The following ZHX3 variants were observed in gnomAD, a reference collection of about 807,000 sequenced individuals.
The protein encoded by ZHX3 is zinc fingers and homeoboxes 3.
A neutral mutation model predicts 64.5 loss-of-function variants in ZHX3; 20 were observed. The observed-to-expected ratio is 0.31, with a 90% CI of 0.22 to 0.45. ZHX3 has a LOEUF of 0.45. Ranked by LOEUF, ZHX3 falls within the 20% of genes least tolerant of loss-of-function variation. The probability of loss-of-function intolerance (pLI) is 1.00; values close to 1 mark genes in which losing one functional copy is unlikely to be tolerated. For synonymous variants in ZHX3, 423 were observed against 461.6 expected (o/e 0.92, Z 1.07); for missense variants, 1,041 against 1,195.8 (o/e 0.87, Z 1.91).
At chr20:41,230,046 T>TA (rs1359614626) in intron 2 of ZHX3, among the ~76,000 whole-genome samples, 2 of 152,230 alleles carry the variant, frequency 1.3e-5, no homozygotes, top group Non-Finnish European at 2.9e-5. Flanking sequence ...GGCATCCTTG[T>TA]AAAAAATCAT....
chr20:41,267,137 G>A (rs909574223), intron 2 of ZHX3, among the ~76,000 whole-genome samples: 4 of 152,062 alleles, frequency 2.6e-5, no homozygotes, highest in Non-Finnish European at 1.5e-5. Flanking sequence ...GTGAGCCACC[G>A]GCACCTGGCC....
intron 2 of ZHX3, among the ~76,000 whole-genome samples, chr20:41,257,468 T>C (rs1183931923): frequency 6.6e-6 from 1 of 152,170 alleles, no homozygotes; most frequent in East Asian, 1.9e-4. Context: ...TTTACCCACT[T>C]ATAGAAGGGG....
intron 1 of ZHX3, among the ~76,000 whole-genome samples, chr20:41,279,043 C>T (rs1195626109): frequency 6.6e-6 from 1 of 152,190 alleles, no homozygotes; most frequent in Non-Finnish European, 1.5e-5. Flanking sequence ...TCTCAAAGTT[C>T]TGGGATTCCA....
intron 1 of ZHX3, among the ~76,000 whole-genome samples, chr20:41,280,133 G>C (rs1203460525): frequency 6.6e-6 from 1 of 152,092 alleles, no homozygotes; most frequent in Non-Finnish European, 1.5e-5. Flanking sequence ...ATCCCTGGAC[G>C]TATATCCCTG....
chr20:41,240,212 G>A (rs944416671), intron 2 of ZHX3, among the ~76,000 whole-genome samples: 1 of 152,134 alleles, frequency 6.6e-6, no homozygotes, highest in Non-Finnish European at 1.5e-5. Context: ...TGTTGGCCAG[G>A]CTGGTCAACA....
At chr20:41,237,729 T>G (rs2041105939) in intron 2 of ZHX3, among the ~76,000 whole-genome samples, 1 of 152,280 alleles carries the variant, frequency 6.6e-6, no homozygotes, top group Non-Finnish European at 1.5e-5. Context: ...CTGCACGTTG[T>G]GCACATGTAC....
intron 2 of ZHX3, among the ~76,000 whole-genome samples, chr20:41,263,587 C>T (rs921878323): frequency 5.9e-5 from 9 of 151,808 alleles, no homozygotes; most frequent in Non-Finnish European, 1.3e-4. Flanking sequence ...TTACTAGAGA[C>T]GGGGTTTCAC....
At chr20:41,268,188 G>A (rs976274892) in intron 2 of ZHX3, among the ~76,000 whole-genome samples, 1 of 152,114 alleles carries the variant, frequency 6.6e-6, no homozygotes, top group Non-Finnish European at 1.5e-5. Flanking sequence ...AGAACTTCCA[G>A]CATCACACAT....
chr20:41,232,211 TA>T lies in ZHX3; in HGVS notation c.-150-27146del, dbSNP rs1453926391. 6.6e-6 allele frequency among the ~76,000 whole-genome samples: 1 copy of T among 152,098 alleles called. No homozygotes were observed. The highest frequency in any genetic ancestry group is 2.4e-5 in the African/African-American group (1 of 41,394). On this transcript the variant is annotated intron_variant, in intron 2 of 3. Transcript: ENST00000683867. The surrounding 1 kb of genome is among the most constrained non-coding windows in gnomAD (Gnocchi z 5.0). ...CTTAATAACCATCTTCAATCATTGTTATTACACAGAGAATGATGACCAGATG... is the reference window on the plus strand; with the variant it reads ...CTTAATAACCATCTTCAATCATTGTTTTACACAGAGAATGATGACCAGATG...
rs112550033 is a variant in ZHX3, at chr20:41,201,982, A to G, written c.2860+75T>C. On this transcript the variant is annotated intron_variant, in intron 3 of 3. Transcript: ENST00000683867. This position sits in a 1 kb window ranked among gnomAD's most constrained non-coding sequence, Gnocchi z 5.0. Reference sequence around the variant, plus strand: ...GAGACAGCAGATGCCCCTGTGCAGTAAATTCAGTGCCCAACCATAAGTGCC... The same window carrying G: ...GAGACAGCAGATGCCCCTGTGCAGTGAATTCAGTGCCCAACCATAAGTGCC... 23 of 1,477,730 alleles carry G rather than the reference A, an allele frequency of 1.6e-5. No individual in the cohort carries two copies. The African/African-American group carries it at 2.5e-4, about 16-fold the overall frequency. The allele number at this position is 1,477,730 out of a possible 1,614,324, so 91.5% of individuals were successfully genotyped here.
chr20:41,237,303 C>T (rs943202115), intron 2 of ZHX3, among the ~76,000 whole-genome samples: 3 of 152,304 alleles, frequency 2.0e-5, no homozygotes, highest in African/African-American at 2.4e-5. Flanking sequence ...GCTATAAAGA[C>T]ACATGCACAT....
At chr20:41,222,888 T>C (rs1670898695) in intron 2 of ZHX3, among the ~76,000 whole-genome samples, 1 of 149,720 alleles carries the variant, frequency 6.7e-6, no homozygotes, top group African/African-American at 2.5e-5. Context: ...CTCACTTGAA[T>C]TTCTCAAGAA....
At chr20:41,190,675 G>A (rs2036941028) in intron 3 of ZHX3, among the ~76,000 whole-genome samples, 1 of 152,136 alleles carries the variant, frequency 6.6e-6, no homozygotes, top group Non-Finnish European at 1.5e-5. Flanking sequence ...TAAATGTCAT[G>A]TTTTCACTTC....
chr20:41,301,097 T>C lies in ZHX3; in HGVS notation c.-245+16412A>G, dbSNP rs539094193. 7.9e-4 allele frequency among the ~76,000 whole-genome samples: 120 copies of C among 152,280 alleles called. 2 individuals are homozygous for C. The highest frequency in any genetic ancestry group is 2.8e-3 in the African/African-American group (118 of 41,564). ...GCAGGAGGTGAGGAAGTAGAGACCA[T>C]GGATAAGGCTACTCGCAGGAAGCCT... On this transcript the variant is annotated intron_variant, in intron 1 of 3. Coordinates refer to ENST00000683867, the MANE Select transcript of ZHX3 (RefSeq NM_001384317.1).
At chr20:41,294,691 T>C (rs537937256) in intron 1 of ZHX3, among the ~76,000 whole-genome samples, 1 of 152,118 alleles carries the variant, frequency 6.6e-6, no homozygotes, top group Admixed American at 6.5e-5. Context: ...ACCTAAGATT[T>C]AATAAAAATC....
intron 2 of ZHX3, among the ~76,000 whole-genome samples, chr20:41,267,056 A>AG (rs1460222234): frequency 6.6e-6 from 1 of 151,314 alleles, no homozygotes; most frequent in Non-Finnish European, 1.5e-5. Context: ...CATATTGGCC[A>AG]GGCTGGTCTT....
chr20:41,209,069 C>T (rs2038953503), intron 2 of ZHX3, among the ~76,000 whole-genome samples: 1 of 152,186 alleles, frequency 6.6e-6, no homozygotes. Flanking sequence ...AGAGCCAAAT[C>T]ATGAGTGAAC....
intron 1 of ZHX3, among the ~76,000 whole-genome samples, chr20:41,274,113 T>C (rs2043275622): frequency 6.6e-6 from 1 of 152,224 alleles, no homozygotes; most frequent in South Asian, 2.1e-4. Context: ...ATACTTGCCA[T>C]TGGTAATCCA....
intron 3 of ZHX3, among the ~76,000 whole-genome samples, chr20:41,188,165 G>A (rs914121284): frequency 6.6e-5 from 10 of 152,048 alleles, no homozygotes; most frequent in Non-Finnish European, 8.8e-5. Flanking sequence ...GAGTAAGAAC[G>A]TGTATTTGTC....
Sources: gnomAD v4.1 joint callset for allele counts (sites outside exome capture counted in the v4.1 genomes callset) on GRCh38, gnomAD v4.1.1 for gene constraint, Gnocchi (gnomAD v3.1) non-coding constraint, MANE v1.5 for transcripts, NCBI Gene and HGNC (gene_info 2026-07-23, HGNC 2026-07-21) for gene names.